Variants in MTA3 observed in about 807,000 individuals in gnomAD.
MTA3 encodes the protein metastasis associated 1 family member 3, also known as metastasis-associated protein MTA3.
In MTA3, 34 loss-of-function variants were observed where a neutral mutation model predicts 83.5. The observed-to-expected ratio is 0.41, with a 90% CI of 0.31 to 0.54. The LOEUF (loss-of-function observed/expected upper bound fraction) is 0.54, where lower values mean the gene tolerates loss of function less well. MTA3 is among the 20% of genes least tolerant of loss of function. MTA3 has a pLI of 0.33. For missense variants in MTA3, 761 were observed against 726.4 expected (o/e 1.05, Z -0.55); for synonymous variants, 303 against 252.7 (o/e 1.20, Z -1.89).
chr2:42,737,941 A>G (rs997980579), intron 16 of MTA3, among the ~76,000 whole-genome samples: 1 of 152,210 alleles, frequency 6.6e-6, no homozygotes, highest in Admixed American at 6.5e-5. Context: ...AGCAAGTCAC[A>G]TGAGTTTTCT....
intron 4 of MTA3, among the ~76,000 whole-genome samples, chr2:42,627,288 G>C (rs551868829): frequency 6.6e-6 from 1 of 152,148 alleles, no homozygotes; most frequent in East Asian, 1.9e-4. Context: ...ATGTTGTCCA[G>C]GGTGGTCTCT....
rs74356010 is a variant in MTA3 at position 42,734,096 on chromosome 2, G to C, written c.1759+11061G>C. On this transcript the variant is annotated intron_variant, in intron 16 of 16. Transcript: ENST00000405094. ...GGTTTCTTTACTGACTTTCTGTCTG[G>C]ACGATGTGTTCATTGCTGAAAGTGA... 5.2e-3 allele frequency among the ~76,000 whole-genome samples: 786 copies of C among 152,206 alleles called. 5 individuals are homozygous for C. Among genetic ancestry groups the C allele is most frequent in the African/African-American group, 0.018 (757 of 41,506 alleles).
intron 2 of MTA3, among the ~76,000 whole-genome samples, chr2:42,552,939 G>A (rs577823752): frequency 3.4e-4 from 50 of 148,798 alleles, no homozygotes; most frequent in African/African-American, 1.1e-3. Flanking sequence ...GACACCGCAA[G>A]ACTCCATCTC....
At chr2:42,717,052 G>GT (rs928638291) in intron 14 of MTA3, among the ~76,000 whole-genome samples, 18 of 123,276 alleles carry the variant, frequency 1.5e-4, no homozygotes, top group Non-Finnish European at 1.9e-4. Flanking sequence ...ATCTCATTGT[G>GT]TTTTTTTTAA....
chr2:42,681,971 C>T (rs1691969225), intron 8 of MTA3, among the ~76,000 whole-genome samples: 1 of 151,712 alleles, frequency 6.6e-6, no homozygotes. Context: ...CTTTGGGAGG[C>T]TATAGTGGGA....
intron 16 of MTA3, among the ~76,000 whole-genome samples, chr2:42,732,089 G>T (rs914174386): frequency 6.6e-6 from 1 of 152,188 alleles, no homozygotes; most frequent in African/African-American, 2.4e-5. Context: ...CCATTCTGGG[G>T]TGTGGAGGAC....
chr2:42,555,708 C>T (rs1416233058), intron 2 of MTA3, among the ~76,000 whole-genome samples: 5 of 151,736 alleles, frequency 3.3e-5, no homozygotes, highest in Non-Finnish European at 4.4e-5. Context: ...GCGGAGCTTG[C>T]AGTGAGCCAA....
intron 14 of MTA3, among the ~76,000 whole-genome samples, chr2:42,709,866 T>C (rs1162944587): frequency 1.3e-5 from 2 of 152,264 alleles, no homozygotes; most frequent in African/African-American, 4.8e-5. Flanking sequence ...CATTTGGTCT[T>C]GCTTATCTTT....
chr2:42,714,471 C>G (rs190748750), intron 14 of MTA3, among the ~76,000 whole-genome samples: 1,750 of 152,010 alleles, frequency 0.012, 25 homozygotes, highest in African/African-American at 0.041. Flanking sequence ...ATAGTTTTAT[C>G]TTGACAGGGT....
At chr2:42,747,491 A>G (rs1309051781) in intron 16 of MTA3, among the ~76,000 whole-genome samples, 1 of 151,956 alleles carries the variant, frequency 6.6e-6, no homozygotes, top group Non-Finnish European at 1.5e-5. Flanking sequence ...TTGGGGAGAA[A>G]GAGGAGCAGG....
intron 4 of MTA3, among the ~76,000 whole-genome samples, chr2:42,635,189 A>G (rs1167798433): frequency 1.3e-5 from 2 of 152,122 alleles, no homozygotes; most frequent in Non-Finnish European, 2.9e-5. Flanking sequence ...TTCTGAAAGC[A>G]TTTTGCATCT....
At position 42,754,208 on chromosome 2, in the gene MTA3, T is replaced by C; in HGVS notation, c.*809T>C. The stretch of plus-strand genomic sequence containing the variant: ...GACAAGCCGTTTGCTTACTGCCCTG[T>C]TCCCTTGCAGCCAAACCAGCTGATG... On this transcript the variant is annotated 3_prime_UTR_variant, in exon 17 of 17. Coordinates refer to ENST00000405094, the MANE Select transcript of MTA3 (RefSeq NM_001330442.2). 2 of 985,486 alleles carry C rather than the reference T, an allele frequency of 2.0e-6. No homozygotes were observed. The highest frequency in any genetic ancestry group is 2.4e-6 in the Non-Finnish European group (2 of 829,974). The allele number at this position is 985,486 out of a possible 1,614,324, so 61.0% of individuals were successfully genotyped here.
chr2:42,574,058 G>A (rs1213913392), intron 2 of MTA3, among the ~76,000 whole-genome samples: 1 of 150,092 alleles, frequency 6.7e-6, no homozygotes, highest in Non-Finnish European at 1.5e-5. Context: ...GGATGGTCTC[G>A]ATCTCCTGAC....
chr2:42,591,655 A>C (rs993314661), intron 3 of MTA3, among the ~76,000 whole-genome samples: 1 of 122,866 alleles, frequency 8.1e-6, no homozygotes, highest in Non-Finnish European at 1.7e-5. Flanking sequence ...TTTATTTTTT[A>C]TTTTTATTTT....
At chr2:42,573,656 G>A (rs193034306) in intron 2 of MTA3, among the ~76,000 whole-genome samples, 74 of 151,958 alleles carry the variant, frequency 4.9e-4, no homozygotes, top group Admixed American at 2.4e-3. Context: ...GATTACAGGC[G>A]CCCAACACCA....
intron 9 of MTA3, among the ~76,000 whole-genome samples, chr2:42,684,179 C>A (rs1016500433): frequency 2.6e-5 from 4 of 152,042 alleles, no homozygotes; most frequent in Non-Finnish European, 4.4e-5. Flanking sequence ...CTTATAGTTC[C>A]TTTGAAATGG....
At chr2:42,664,648 A>T (rs1351989480) in intron 8 of MTA3, among the ~76,000 whole-genome samples, 1 of 151,866 alleles carries the variant, frequency 6.6e-6, no homozygotes, top group African/African-American at 2.4e-5. Context: ...CTGCCGACTA[A>T]TTACGGTCCT....
chr2:42,748,097 C>T (rs1669577070), intron 16 of MTA3, among the ~76,000 whole-genome samples: 1 of 152,078 alleles, frequency 6.6e-6, no homozygotes. Flanking sequence ...GGCGCGATCT[C>T]AGCTCTCTGC....
At chr2:42,509,594 ACT>A (rs1464048371) in intron 2 of MTA3, among the ~76,000 whole-genome samples, 1 of 151,602 alleles carries the variant, frequency 6.6e-6, no homozygotes, top group Non-Finnish European at 1.5e-5. Flanking sequence ...ACATGGCAAA[ACT>A]CTGTTCCTAC....
Sources: gnomAD v4.1 joint callset for allele counts (sites outside exome capture counted in the v4.1 genomes callset) on GRCh38, gnomAD v4.1.1 for gene constraint, MANE v1.5 for transcripts, NCBI Gene and HGNC (gene_info 2026-07-23, HGNC 2026-07-21) for gene names.